Variants in RBSN observed in about 807,000 individuals in gnomAD.
RBSN encodes the protein rabenosyn, RAB effector, also known as rabenosyn-5.
Under a neutral mutation model 60.5 loss-of-function variants are expected in RBSN, and 34 were observed. That is an observed-to-expected ratio of 0.56 (90% CI 0.43 to 0.75). The LOEUF is 0.75. Ranked by LOEUF, RBSN falls within the 30% of genes least tolerant of loss-of-function variation. The pLI is 0.00. For missense variants in RBSN, 845 were observed against 986.8 expected, an observed-to-expected ratio of 0.86 and a Z score of 1.92; for synonymous variants, 322 against 366.9, an observed-to-expected ratio of 0.88 and a Z score of 1.40.
Position 15,082,307 on chromosome 3 carries a change from C to A in RBSN, c.840+60G>T, listed in dbSNP as rs1455087477. 1.9e-6 allele frequency: 3 copies of A among 1,584,408 alleles called. No homozygotes were observed. Among genetic ancestry groups the A allele is most frequent in the African/African-American group, 2.7e-5 (2 of 74,542 alleles). ...ATTCTCCAGAATCTGCAGGAGTGTA[C>A]ATAACAAACAGCCAAATCTGCCTAA... On this transcript the variant is annotated intron_variant, in intron 9 of 13. Coordinates refer to ENST00000253699, the MANE Select transcript of RBSN (RefSeq NM_022340.4). This position sits in a 1 kb window ranked among gnomAD's most constrained non-coding sequence, Gnocchi z 4.2.
At chr3:15,091,401 GAC>G (rs2043513591) in intron 4 of RBSN, 55 of 1,234,958 alleles carry the variant, frequency 4.5e-5, no homozygotes, top group Non-Finnish European at 5.7e-5. Context: ...GGCTTAACTG[GAC>G]ACAGAGTTCT....
In RBSN at chr3:15,074,750, T is replaced by C. The variant is rs369395702; in HGVS notation, c.1387A>G (p.Ile463Val). ...SEDSDPLLQQ[I>V]HNITSFIRQA... ...CTGATGAATGATGTGATGTTGTGGA[T>C]CTGCTGGAGGAGCGGGTCTGAGTCC... The change falls in exon 14 of 14, where the codon ATC (isoleucine) becomes GTC (valine). Residue 463 changes from isoleucine (I) to valine (V), a missense_variant. Coordinates refer to ENST00000253699, the MANE Select transcript of RBSN (RefSeq NM_022340.4). The surrounding 1 kb of genome is among the most constrained non-coding windows in gnomAD (Gnocchi z 6.4). 17 of 1,614,140 alleles carry C rather than the reference T, an allele frequency of 1.1e-5. No individual in the cohort carries two copies. In the African/African-American group the frequency reaches 2.1e-4, roughly 20 times the overall value.
At position 15,074,542 on chromosome 3, in the gene RBSN, C is replaced by G; in HGVS notation, c.1595G>C (p.Arg532Pro). ...TGCCACCCGAAACTGCTCCCTTTCT[C>G]GTTCCAACTCCCGTTCACGCAACAT... is the stretch of plus-strand genomic sequence containing the variant. ...LQMLRERELE[R>P]EREQFRVASL... Residue 532 changes from arginine to proline, a missense_variant, in exon 14 of 14, where the codon CGA (arginine) becomes CCA (proline). Arg to Pro is a moderately radical substitution (Grantham distance 103). Coordinates refer to ENST00000253699, the MANE Select transcript of RBSN (RefSeq NM_022340.4). The surrounding 1 kb of genome is among the most constrained non-coding windows in gnomAD (Gnocchi z 6.4). The G allele has an allele frequency of 1.2e-6, 2 of 1,614,246 alleles. No individual in the cohort carries two copies. Among genetic ancestry groups the G allele is most frequent in the Non-Finnish European group, 1.7e-6 (2 of 1,180,044 alleles).
intron 4 of RBSN, 55 bp downstream of exon 4, chr3:15,095,918 C>T (rs752170106): frequency 2.2e-5 from 35 of 1,612,474 alleles, no homozygotes; most frequent in East Asian, 4.5e-5. Context: ...AGAACTATCC[C>T]GTGAGTTAAA....
Position 15,073,772 on chromosome 3 carries a change from C to T in RBSN, c.*10G>A, listed in dbSNP as rs774189376. On this transcript the variant is annotated 3_prime_UTR_variant, in exon 14 of 14. Transcript: ENST00000253699. ...ACCCCTGGGCCCAAAGGTGCCCTCT[C>T]CACTGCTGGTCAGTCAGTGCCCCCC... 14 of 1,589,754 alleles carry T rather than the reference C, an allele frequency of 8.8e-6. No individual in the cohort carries two copies. The highest frequency in any genetic ancestry group is 8.6e-7 in the Non-Finnish European group (1 of 1,169,070).
intron 5 of RBSN, among the ~76,000 whole-genome samples, chr3:15,088,478 C>T (rs941030325): frequency 4.6e-5 from 7 of 151,930 alleles, no homozygotes; most frequent in Non-Finnish European, 7.4e-5. Context: ...CTCCTGGATT[C>T]AAGCAATTCT....
chr3:15,076,158 A>G (rs1156557496), intron 12 of RBSN, among the ~76,000 whole-genome samples: 1 of 152,152 alleles, frequency 6.6e-6, no homozygotes, highest in African/African-American at 2.4e-5. Flanking sequence ...TTTGTTCACT[A>G]TAGGACATCC....
chr3:15,090,685 A>G, intron 4 of RBSN, 146 bp from the exon 5 acceptor site: 2 of 1,139,240 alleles, frequency 1.8e-6, no homozygotes, highest in Non-Finnish European at 2.4e-6. Flanking sequence ...AGTAAAATGC[A>G]GGAGCAAGCA....
At position 15,070,500 on chromosome 3, in the gene RBSN, G is replaced by C. The variant is rs1219802370; in HGVS notation, c.*3282C>G. The C allele has an allele frequency of 6.6e-6, 1 of 152,624 alleles. No individual in the cohort carries two copies. Among genetic ancestry groups the C allele is most frequent in the Non-Finnish European group, 1.5e-5 (1 of 68,034 alleles). 9.5% of individuals were successfully genotyped at this position (152,624 alleles called of 1,614,324 possible). ...TGCCATATCAAGACCTTGCTCATCT[G>C]GTGATGAGACGGGGCTGTTTGCCTT... is the stretch of plus-strand genomic sequence containing the variant. On this transcript the variant is annotated 3_prime_UTR_variant, in exon 14 of 14. Coordinates refer to ENST00000253699, the MANE Select transcript of RBSN (RefSeq NM_022340.4).
At chr3:15,090,674 A>C in intron 4 of RBSN, 135 bp from the exon 5 acceptor site, 1 of 1,278,870 alleles carries the variant, frequency 7.8e-7, no homozygotes, top group Non-Finnish European at 1.1e-6. Context: ...TTTAGATCTC[A>C]AGTAAAATGC....
At chr3:15,097,902 T>C (rs539544902) in intron 2 of RBSN, among the ~76,000 whole-genome samples, 1 of 152,252 alleles carries the variant, frequency 6.6e-6, no homozygotes, top group Middle Eastern at 3.4e-3. Flanking sequence ...AGTGACTTCA[T>C]AACTTTTCCA....
intron 6 of RBSN, among the ~76,000 whole-genome samples, chr3:15,085,379 C>A (rs1182765654): frequency 6.6e-6 from 1 of 152,206 alleles, no homozygotes; most frequent in African/African-American, 2.4e-5. Context: ...GACCCTAAAA[C>A]TGGCCACATA....
At position 15,085,602 on chromosome 3, in the gene RBSN, C is replaced by A. The variant is rs184780232; in HGVS notation, c.390+259G>T. 2.9e-3 allele frequency among the ~76,000 whole-genome samples: 435 copies of A among 152,276 alleles called. 3 individuals are homozygous for A. Among genetic ancestry groups the A allele is most frequent in the Non-Finnish European group, 5.4e-3 (370 of 68,024 alleles). On this transcript the variant is annotated intron_variant, in intron 6 of 13. Coordinates refer to ENST00000253699, the MANE Select transcript of RBSN (RefSeq NM_022340.4). ...AAGAATCTGAAGGAAGAAAGGTTTTCCAGCACCTGAGTGGGATTCATAGGT... is the reference window on the plus strand; with the variant it reads ...AAGAATCTGAAGGAAGAAAGGTTTTACAGCACCTGAGTGGGATTCATAGGT...
At chr3:15,091,333 A>C in intron 4 of RBSN, 1 of 1,044,726 alleles carries the variant, frequency 9.6e-7, no homozygotes, top group Non-Finnish European at 1.2e-6. Flanking sequence ...AATTCTTCTC[A>C]TTTACCTCCA....
chr3:15,098,447 GT>G (rs1468645683), intron 1 of RBSN, among the ~76,000 whole-genome samples, 173 bp from the exon 2 acceptor site: 1 of 80,798 alleles, frequency 1.2e-5, no homozygotes, highest in Non-Finnish European at 2.1e-5. Flanking sequence ...TCTAAATCAC[GT>G]AAAAAGTAAA....
intron 5 of RBSN, among the ~76,000 whole-genome samples, chr3:15,089,479 A>AAAAAAAAAAAAAAAAAAAAC (rs2043447184): frequency 4.8e-5 from 5 of 104,044 alleles, no homozygotes; most frequent in Admixed American, 1.0e-4. Flanking sequence ...AAAAAAAAAC[A>AAAAAAAAAAAAAAAAAAAAC]AAAAAAAAAA....
chr3:15,080,416 T>C (rs1256989812), intron 10 of RBSN, among the ~76,000 whole-genome samples: 3 of 152,104 alleles, frequency 2.0e-5, no homozygotes, highest in Non-Finnish European at 4.4e-5. Context: ...CTCTGCTCTG[T>C]CCAGATGCTG....
At chr3:15,095,877 T>C (rs1301364719) in intron 4 of RBSN, 96 bp downstream of exon 4, 3 of 1,534,560 alleles carry the variant, frequency 2.0e-6, no homozygotes, top group South Asian at 2.3e-5. Context: ...ACTACTATTA[T>C]CATATTCCTG....
At position 15,090,501 on chromosome 3, in the gene RBSN, A is replaced by G. The variant is rs1405530234; in HGVS notation, c.187T>C (p.Leu63=). 3 of 1,614,094 alleles carry G rather than the reference A, an allele frequency of 1.9e-6. No homozygotes were observed. ...QKAKKAKDRL[L]KREGDDRAES... is the part of the protein sequence containing the mutation. Reference sequence around the variant, plus strand: ...GCTCGATCATCCCCTTCTCGTTTCAACAACCTGTCCTTTGCTTTTTTAGCC... The same window carrying G: ...GCTCGATCATCCCCTTCTCGTTTCAGCAACCTGTCCTTTGCTTTTTTAGCC... Residue 63 remains leucine, a synonymous_variant, in exon 5 of 14, where the codon TTG becomes CTG. Transcript: ENST00000253699.
Sources: allele counts gnomAD v4.1 joint callset (sites outside exome capture counted in the v4.1 genomes callset), GRCh38; gene constraint gnomAD v4.1.1; non-coding constraint Gnocchi (gnomAD v3.1); transcripts MANE v1.5; gene names NCBI Gene and HGNC (gene_info 2026-07-23, HGNC 2026-07-21).